The following ARIH2 variants were observed in gnomAD, a reference collection of about 807,000 sequenced individuals.
The protein encoded by ARIH2 is E3 ubiquitin-protein ligase ARIH2.
Under a neutral mutation model 79.8 loss-of-function variants are expected in ARIH2, and 12 were observed. That is an observed-to-expected ratio of 0.15 (90% CI 0.10 to 0.24). The LOEUF (loss-of-function observed/expected upper bound fraction) is 0.24. ARIH2 is among the 10% of genes least tolerant of loss of function. The pLI is 1.00. For synonymous variants in ARIH2, 224 were observed against 213.9 expected, an observed-to-expected ratio of 1.05 and a Z score of -0.41; for missense variants, 301 against 618.3, an observed-to-expected ratio of 0.49 and a Z score of 5.44.
At chr3:48,967,570 G>A (rs1189165254) in intron 6 of ARIH2, among the ~76,000 whole-genome samples, 1 of 152,158 alleles carries the variant, frequency 6.6e-6, no homozygotes, top group Non-Finnish European at 1.5e-5. Flanking sequence ...TCCACAAGTG[G>A]CAGCCATAAC....
At chr3:48,919,102 G>A in intron 1 of ARIH2, 104 bp downstream of exon 1, 1 of 1,278,040 alleles carries the variant, frequency 7.8e-7, no homozygotes, top group Non-Finnish European at 9.8e-7. Context: ...CTTCGCCGTC[G>A]CCCGGGAGGC....
intron 3 of ARIH2, among the ~76,000 whole-genome samples, chr3:48,942,052 A>AT (rs35777653): frequency 0.64 from 88,848 of 138,410 alleles, 29,081 homozygotes; most frequent in East Asian, 0.95. Context: ...TACCTGGCTA[A>AT]TTTTTTTTTT....
chr3:48,957,529 C>T (rs1010730731), intron 3 of ARIH2, among the ~76,000 whole-genome samples: 1 of 152,120 alleles, frequency 6.6e-6, no homozygotes, highest in African/African-American at 2.4e-5. Flanking sequence ...CAGAATTCCT[C>T]TGAGTTACTA....
chr3:48,949,513 C>T (rs2089679646), intron 3 of ARIH2, among the ~76,000 whole-genome samples: 1 of 152,194 alleles, frequency 6.6e-6, no homozygotes, highest in African/African-American at 2.4e-5. Context: ...CTTGTTAGCA[C>T]TTGGTATTTT....
At chr3:48,941,686 G>A (rs1321875347) in intron 3 of ARIH2, among the ~76,000 whole-genome samples, 3 of 148,210 alleles carry the variant, frequency 2.0e-5, no homozygotes, top group Non-Finnish European at 3.0e-5. Flanking sequence ...TCCACCTCCC[G>A]GGTTCACGCC....
At chr3:48,954,098 T>G (rs908729986) in intron 3 of ARIH2, among the ~76,000 whole-genome samples, 7 of 150,192 alleles carry the variant, frequency 4.7e-5, no homozygotes, top group African/African-American at 1.7e-4. Flanking sequence ...GAGGCGGAGG[T>G]TGCAGTGAAC....
chr3:48,930,517 G>T (rs1322917418), intron 3 of ARIH2, among the ~76,000 whole-genome samples: 2 of 151,994 alleles, frequency 1.3e-5, no homozygotes, highest in Non-Finnish European at 2.9e-5. Flanking sequence ...GTAGAGATGG[G>T]GTCTTGCTAT....
At chr3:48,936,374 T>A (rs2107122544) in intron 3 of ARIH2, among the ~76,000 whole-genome samples, 1 of 152,340 alleles carries the variant, frequency 6.6e-6, no homozygotes, top group East Asian at 1.9e-4. Flanking sequence ...TGACATGAAC[T>A]GTCAAACATG....
At chr3:48,932,210 G>C (rs1323665238) in intron 3 of ARIH2, among the ~76,000 whole-genome samples, 1 of 152,110 alleles carries the variant, frequency 6.6e-6, no homozygotes, top group Non-Finnish European at 1.5e-5. Context: ...TTAGTGTGGT[G>C]GGGAAGCTGC....
intron 5 of ARIH2, 113 bp downstream of exon 5, chr3:48,965,095 C>T: frequency 1.1e-6 from 1 of 932,520 alleles, no homozygotes; most frequent in Non-Finnish European, 1.6e-6. Flanking sequence ...TGGCTCACGC[C>T]TGTAATCCCA....
chr3:48,933,591 C>G (rs1486697232), intron 3 of ARIH2, among the ~76,000 whole-genome samples: 1 of 146,092 alleles, frequency 6.8e-6, no homozygotes, highest in Non-Finnish European at 1.5e-5. Context: ...GCTGTGTCAC[C>G]CAGGCTGGAG....
At chr3:48,959,715 C>T (rs1425940914) in intron 3 of ARIH2, among the ~76,000 whole-genome samples, 4 of 150,926 alleles carry the variant, frequency 2.7e-5, no homozygotes, top group East Asian at 1.9e-4. Context: ...GGTCAGATGC[C>T]ACTTACCTTG....
intron 6 of ARIH2, among the ~76,000 whole-genome samples, chr3:48,967,650 C>T (rs2091890771): frequency 6.6e-6 from 1 of 152,166 alleles, no homozygotes; most frequent in Admixed American, 6.5e-5. Flanking sequence ...TGATTAGTTA[C>T]AGAAGTATTT....
chr3:48,943,129 C>A (rs1040706630), intron 3 of ARIH2: 2 of 152,210 alleles, frequency 1.3e-5, no homozygotes, highest in East Asian at 3.9e-4. Flanking sequence ...TTAATATCTG[C>A]CCCCTCCTTT....
In ARIH2 at chr3:48,984,438, A is replaced by G. The variant is rs1022501647; in HGVS notation, c.*1168A>G. On this transcript the variant is annotated 3_prime_UTR_variant, in exon 16 of 16. Coordinates refer to ENST00000356401, the MANE Select transcript of ARIH2 (RefSeq NM_006321.4). The stretch of plus-strand genomic sequence containing the variant: ...CCAGCTGTCAGAGGGATACCATCCT[A>G]GGGTCTGGGAATCCAAGGCCACGAG... 1 of 152,586 alleles carries G rather than the reference A, an allele frequency of 6.6e-6. No homozygotes were observed. The highest frequency in any genetic ancestry group is 2.4e-5 in the African/African-American group (1 of 41,420). The allele number at this position is 152,586 out of a possible 1,614,324, so 9.5% of individuals were successfully genotyped here.
intron 3 of ARIH2, among the ~76,000 whole-genome samples, chr3:48,940,510 A>ACC (rs1251130714): frequency 1.3e-5 from 2 of 151,492 alleles, no homozygotes; most frequent in Non-Finnish European, 2.9e-5. Context: ...GAAGTCAGGG[A>ACC]CCCTAAATGG....
chr3:48,981,623 C>T (rs764577251), intron 13 of ARIH2, 37 bp from the exon 14 acceptor site: 4 of 1,580,762 alleles, frequency 2.5e-6, no homozygotes, highest in South Asian at 2.2e-5. Context: ...AGCTTAGAAT[C>T]ACAGACACAG....
At chr3:48,978,479 A>T (rs1381936372) in intron 11 of ARIH2, among the ~76,000 whole-genome samples, 60 of 63,526 alleles carry the variant, frequency 9.4e-4, no homozygotes, top group African/African-American at 2.9e-3. Context: ...ATATATATAT[A>T]TATATTTTTT....
At chr3:48,952,624 G>A (rs2090102780) in intron 3 of ARIH2, among the ~76,000 whole-genome samples, 1 of 152,048 alleles carries the variant, frequency 6.6e-6, no homozygotes, top group African/African-American at 2.4e-5. Flanking sequence ...GATGGGAGAG[G>A]GTAAAGTGGT....
Sources: allele counts gnomAD v4.1 joint callset (sites outside exome capture counted in the v4.1 genomes callset), GRCh38; gene constraint gnomAD v4.1.1; transcripts MANE v1.5; gene names NCBI Gene and HGNC (gene_info 2026-07-23, HGNC 2026-07-21).